DGKG: variants seen among roughly 807,000 people sequenced by gnomAD.
DGKG encodes DAG kinase gamma.
DGKG carries 78 observed loss-of-function variants against 105.3 expected under a neutral mutation model. That is an observed-to-expected ratio of 0.74 (90% CI 0.62 to 0.89). The LOEUF is 0.89. DGKG is among the 40% of genes least tolerant of loss of function. The pLI is 0.00. For synonymous variants in DGKG, 346 were observed against 367.1 expected, an observed-to-expected ratio of 0.94 and a Z score of 0.66; for missense variants, 958 against 1,020.1, an observed-to-expected ratio of 0.94 and a Z score of 0.83.
At chr3:186,195,452 T>C (rs920219995) in intron 21 of DGKG, among the ~76,000 whole-genome samples, 1 of 152,254 alleles carries the variant, frequency 6.6e-6, no homozygotes, top group African/African-American at 2.4e-5. Flanking sequence ...CATTTGTTGA[T>C]ATATATCTGT....
Position 186,149,800 on chromosome 3 carries a change from C to A in DGKG, c.*290G>T. ...AGTCTCAGAAAATTCTGCTCAAGGC[C>A]TGTGGGAATGTGGAGGTTGCTGCCT... On this transcript the variant is annotated 3_prime_UTR_variant, in exon 25 of 25. Coordinates refer to ENST00000265022, the MANE Select transcript of DGKG (RefSeq NM_001346.3). The A allele has an allele frequency of 8.8e-7, 1 of 1,135,174 alleles. No homozygotes were observed. 70.3% of individuals were successfully genotyped at this position (1,135,174 alleles called of 1,614,324 possible). A position where few individuals can be genotyped will look rare whatever the true frequency, so the allele number is the denominator to read the frequency against.
At chr3:186,248,148 T>C (rs1721035466) in intron 19 of DGKG, among the ~76,000 whole-genome samples, 1 of 152,226 alleles carries the variant, frequency 6.6e-6, no homozygotes, top group Non-Finnish European at 1.5e-5. Context: ...TGTGTGTTCA[T>C]CCATTTGGTC....
chr3:186,240,407 T>C (rs1446811332), intron 20 of DGKG, among the ~76,000 whole-genome samples: 2 of 152,224 alleles, frequency 1.3e-5, no homozygotes, highest in African/African-American at 4.8e-5. Flanking sequence ...GAACAGTGTC[T>C]GGTGTGCATT....
intron 7 of DGKG, among the ~76,000 whole-genome samples, chr3:186,282,140 G>C (rs1396796493): frequency 6.6e-6 from 1 of 152,216 alleles, no homozygotes; most frequent in Non-Finnish European, 1.5e-5. Flanking sequence ...GGGGACAGAA[G>C]GAAGCAGAGA....
At chr3:186,360,444 T>C (rs1279758694) in intron 1 of DGKG, among the ~76,000 whole-genome samples, 1 of 152,160 alleles carries the variant, frequency 6.6e-6, no homozygotes, top group Non-Finnish European at 1.5e-5. Flanking sequence ...GGAAGTTGGC[T>C]TAGTTGCAGC....
chr3:186,153,065 G>A lies in DGKG; in HGVS notation c.2278-2877C>T, dbSNP rs552913525. ...TTGCTAGTTAGTACCTCCAGGGCAC[G>A]GAAGAGGAAGTAAAACTCAAATCTC... On this transcript the variant is annotated intron_variant, in intron 24 of 24. Coordinates refer to ENST00000265022, the MANE Select transcript of DGKG (RefSeq NM_001346.3). Among the ~76,000 whole-genome samples the A allele has an allele frequency of 5.4e-4, 81 of 151,306 alleles. 1 individual carries two copies. Among genetic ancestry groups the A allele is most frequent in the African/African-American group, 1.3e-3 (55 of 41,208 alleles).
At chr3:186,348,045 T>A (rs1280947656) in intron 1 of DGKG, among the ~76,000 whole-genome samples, 3 of 152,236 alleles carry the variant, frequency 2.0e-5, no homozygotes, top group Non-Finnish European at 4.4e-5. Flanking sequence ...TATTCAATGT[T>A]TCCCACAGCA....
chr3:186,218,396 C>T (rs1422332385), intron 20 of DGKG, among the ~76,000 whole-genome samples: 2 of 144,372 alleles, frequency 1.4e-5, no homozygotes, highest in Non-Finnish European at 3.0e-5. Flanking sequence ...CCCAGCTACT[C>T]GGGAAGCTGA....
intron 2 of DGKG, among the ~76,000 whole-genome samples, chr3:186,317,788 G>T (rs958630758): frequency 2.6e-5 from 4 of 152,160 alleles, no homozygotes; most frequent in South Asian, 2.1e-4. Flanking sequence ...AGTCCTGTTT[G>T]TCTTCCCCTG....
chr3:186,240,924 C>T (rs1034895813), intron 20 of DGKG, among the ~76,000 whole-genome samples: 11 of 148,218 alleles, frequency 7.4e-5, no homozygotes, highest in African/African-American at 2.3e-4. Context: ...TGCAAAAGAC[C>T]GTTAGAGGAG....
At chr3:186,272,206 G>A (rs1197268327) in intron 11 of DGKG, 49 bp downstream of exon 11, 3 of 1,431,002 alleles carry the variant, frequency 2.1e-6, no homozygotes, top group South Asian at 2.3e-5. Context: ...TGATGGACAT[G>A]TTTCCTGGAT....
chr3:186,161,209 G>T, intron 24 of DGKG: 4 of 992,512 alleles, frequency 4.0e-6, no homozygotes, highest in South Asian at 9.0e-5. Context: ...TGGCTTCCAC[G>T]TAAGGAAGCA....
intron 24 of DGKG, among the ~76,000 whole-genome samples, chr3:186,155,261 C>T (rs1480149576): frequency 1.3e-5 from 2 of 152,132 alleles, no homozygotes; most frequent in African/African-American, 2.4e-5. Context: ...GGCGTGATCT[C>T]GGCTCACTGC....
intron 1 of DGKG, among the ~76,000 whole-genome samples, chr3:186,335,597 A>G (rs1318545424): frequency 1.3e-5 from 2 of 152,234 alleles, no homozygotes; most frequent in African/African-American, 2.4e-5. Flanking sequence ...ATTGTTAACA[A>G]CTTAAAAATA....
At chr3:186,229,615 G>A (rs1174443171) in intron 20 of DGKG, among the ~76,000 whole-genome samples, 4 of 152,200 alleles carry the variant, frequency 2.6e-5, no homozygotes, top group African/African-American at 9.6e-5. Context: ...GTGGTGCTTT[G>A]TTATGGCAGC....
intron 14 of DGKG, among the ~76,000 whole-genome samples, chr3:186,263,151 C>T (rs1409559323): frequency 6.7e-6 from 1 of 149,158 alleles, no homozygotes; most frequent in African/African-American, 2.5e-5. Context: ...AACAAACAAA[C>T]AAACAAACAA....
At position 186,190,751 on chromosome 3, in the gene DGKG, C is replaced by T. The variant is rs1314493150; in HGVS notation, c.1918-2372G>A. Among the ~76,000 whole-genome samples, 22 of 152,152 alleles carry T rather than the reference C, an allele frequency of 1.4e-4. 1 individual carries two copies. The highest frequency in any genetic ancestry group is 1.4e-3 in the Admixed American group (21 of 15,272). On this transcript the variant is annotated intron_variant, in intron 21 of 24. Transcript: ENST00000265022. ...TCAGCCCGTGTTTCCTCTAGTCTAC[C>T]CAGCTTACTTCCAATCTTCATTCTG...
rs560669347 is a variant in DGKG at position 186,221,679 on chromosome 3, G to A, written c.1827-9794C>T. Among the ~76,000 whole-genome samples, 3 of 152,324 alleles carry A rather than the reference G, an allele frequency of 2.0e-5. No individual in the cohort carries two copies. The South Asian group carries it at 6.2e-4, about 32-fold the overall frequency. On this transcript the variant is annotated intron_variant, in intron 20 of 24. Coordinates refer to ENST00000265022, the MANE Select transcript of DGKG (RefSeq NM_001346.3). The stretch of plus-strand genomic sequence containing the variant: ...GGCGGTGGGGACAGTGAAGATACAG[G>A]TGGGTGAGGCCTCGTGTTAGAAACT...
rs957432333 is a variant in DGKG at position 186,229,571 on chromosome 3, C to T, written c.1826+12933G>A. ...GACATGCAGCTTTTAGAGCTACGAG[C>T]GAATACATTTCTGCTGTTCTAAACC... On this transcript the variant is annotated intron_variant, in intron 20 of 24. Transcript: ENST00000265022. 9.2e-5 allele frequency among the ~76,000 whole-genome samples: 14 copies of T among 152,080 alleles called. 1 individual carries two copies. Among genetic ancestry groups the T allele is most frequent in the Non-Finnish European group, 2.1e-4 (14 of 68,022 alleles).
Sources: gnomAD v4.1 joint callset for allele counts (sites outside exome capture counted in the v4.1 genomes callset) on GRCh38, gnomAD v4.1.1 for gene constraint, MANE v1.5 for transcripts, NCBI Gene and HGNC (gene_info 2026-07-23, HGNC 2026-07-21) for gene names.